ADAMTS16: variants seen among roughly 807,000 people sequenced by gnomAD.
ADAMTS16 encodes ADAM metallopeptidase with thrombospondin type 1 motif 16.
Under a neutral mutation model 145.8 loss-of-function variants are expected in ADAMTS16, and 94 were observed. The observed-to-expected ratio is 0.64, with a 90% confidence interval of 0.55 to 0.77. ADAMTS16 has a LOEUF of 0.77. Among genes scored for constraint, ADAMTS16 ranks in the 30% least tolerant of loss-of-function variants. ADAMTS16 has a pLI of 0.00. For missense variants in ADAMTS16, 1,585 were observed against 1,591.5 expected (o/e 1.00, Z 0.07); for synonymous variants, 659 against 604.3 (o/e 1.09, Z -1.33).
chr5:5,273,374 C>A (rs2913669), intron 18 of ADAMTS16, among the ~76,000 whole-genome samples: 2 of 152,014 alleles, frequency 1.3e-5, no homozygotes, highest in African/African-American at 4.8e-5. Flanking sequence ...ATACAAAAAA[C>A]TTAGCTGATG....
chr5:5,175,199 C>A (rs1735153396), intron 3 of ADAMTS16, among the ~76,000 whole-genome samples: 1 of 152,182 alleles, frequency 6.6e-6, no homozygotes, highest in Non-Finnish European at 1.5e-5. Flanking sequence ...TTCCAGGCCC[C>A]AGGGCTCTCT....
At chr5:5,249,744 G>A (rs1737563538) in intron 17 of ADAMTS16, among the ~76,000 whole-genome samples, 1 of 152,182 alleles carries the variant, frequency 6.6e-6, no homozygotes, top group South Asian at 2.1e-4. Flanking sequence ...CTCAGTGGAG[G>A]GTCAGGTGAC....
At chr5:5,165,303 G>A (rs796724771) in intron 3 of ADAMTS16, among the ~76,000 whole-genome samples, 47 of 152,096 alleles carry the variant, frequency 3.1e-4, no homozygotes, top group African/African-American at 1.1e-3. Flanking sequence ...GCTCAGCGGC[G>A]CCCCATCGTA....
Position 5,283,198 on chromosome 5 carries a change from C to T in ADAMTS16, c.2790-20070C>T, listed in dbSNP as rs1738986254. Among the ~76,000 whole-genome samples, 3 of 152,086 alleles carry T rather than the reference C, an allele frequency of 2.0e-5. No homozygotes were observed. In the South Asian group the frequency reaches 6.2e-4, roughly 32 times the overall value. On this transcript the variant is annotated intron_variant, in intron 18 of 22. Transcript: ENST00000274181. ...CAATGTATTTTTTCCTGTCCCTGAT[C>T]TCAGTTAGAATGTTTCTGCATTTTC... is the stretch of plus-strand genomic sequence containing the variant.
At chr5:5,172,437 G>T (rs1290908623) in intron 3 of ADAMTS16, among the ~76,000 whole-genome samples, 1 of 151,720 alleles carries the variant, frequency 6.6e-6, no homozygotes, top group South Asian at 2.1e-4. Flanking sequence ...TTTTGGTATG[G>T]TGTATTTTTA....
At chr5:5,286,885 A>ATG (rs1456081255) in intron 18 of ADAMTS16, among the ~76,000 whole-genome samples, 1,892 of 52,184 alleles carry the variant, frequency 0.036, 354 homozygotes, top group African/African-American at 0.054. Flanking sequence ...AAAAAAAAAG[A>ATG]GTTTTTATAA....
chr5:5,318,351 T>C lies in ADAMTS16; in HGVS notation c.3559+70T>C, dbSNP rs1734143219. The stretch of plus-strand genomic sequence containing the variant: ...AATGTCAGGTTTCTGGAGCAGTTCC[T>C]TGGGGGGCCTGGAGTTAGGGTCTTG... On this transcript the variant is annotated intron_variant, in intron 22 of 22. Coordinates refer to ENST00000274181, the MANE Select transcript of ADAMTS16 (RefSeq NM_139056.4). The C allele has an allele frequency of 5.3e-6, 7 of 1,328,438 alleles. No individual in the cohort carries two copies. The East Asian group carries it at 1.4e-4, about 26-fold the overall frequency. The allele number at this position is 1,328,438 out of a possible 1,614,324, so 82.3% of individuals were successfully genotyped here.
At chr5:5,309,827 C>CGTGTGTGTGTGTGTGTGT (rs35723690) in intron 21 of ADAMTS16, among the ~76,000 whole-genome samples, 82 of 146,980 alleles carry the variant, frequency 5.6e-4, no homozygotes, top group Middle Eastern at 6.9e-3. Flanking sequence ...GTCATGTCCT[C>CGTGTGTGTGTGTGTGTGT]GTGTGTGTGT....
intron 4 of ADAMTS16, among the ~76,000 whole-genome samples, chr5:5,184,939 A>G (rs1270862494): frequency 6.6e-6 from 1 of 152,108 alleles, no homozygotes; most frequent in Non-Finnish European, 1.5e-5. Context: ...CAAATCTGAA[A>G]GCTATTTCCG....
chr5:5,190,187 GAC>G, intron 7 of ADAMTS16, 57 bp downstream of exon 7: 1 of 1,488,576 alleles, frequency 6.7e-7, no homozygotes, highest in Admixed American at 2.4e-5. Flanking sequence ...CCCTGGCCGT[GAC>G]ACAGTGTTGA....
intron 3 of ADAMTS16, among the ~76,000 whole-genome samples, chr5:5,160,843 T>G (rs562450778): frequency 6.5e-4 from 99 of 152,168 alleles, no homozygotes; most frequent in Non-Finnish European, 7.6e-4. Context: ...AACCCAGCTT[T>G]TAGTCCCACC....
intron 21 of ADAMTS16, among the ~76,000 whole-genome samples, chr5:5,308,577 G>C (rs776724920): frequency 6.6e-6 from 1 of 152,176 alleles, no homozygotes; most frequent in East Asian, 1.9e-4. Flanking sequence ...GTGCTAAAAG[G>C]AAGTATGGAC....
Position 5,241,090 on chromosome 5 carries a change from C to A in ADAMTS16, c.2524-963C>A, listed in dbSNP as rs145155685. Among the ~76,000 whole-genome samples, 1,073 of 152,162 alleles carry A rather than the reference C, an allele frequency of 7.1e-3. 4 individuals are homozygous for A. Among genetic ancestry groups the A allele is most frequent in the Non-Finnish European group, 0.011 (774 of 68,018 alleles). On this transcript the variant is annotated intron_variant, in intron 16 of 22. Coordinates refer to ENST00000274181, the MANE Select transcript of ADAMTS16 (RefSeq NM_139056.4). ...GCTTATACCTGTCCCACAACATCAG[C>A]ACCACTGAGACTGGAGCTGTGTCAT...
At chr5:5,227,750 T>C (rs139863046) in intron 11 of ADAMTS16, among the ~76,000 whole-genome samples, 52 of 152,358 alleles carry the variant, frequency 3.4e-4, no homozygotes, top group Non-Finnish European at 1.5e-4. Context: ...GTGTTTCCTT[T>C]GCCATTACTT....
rs144027266 is a variant in ADAMTS16 at position 5,245,799 on chromosome 5, G to A, written c.2662+3608G>A. 3.0e-3 allele frequency among the ~76,000 whole-genome samples: 463 copies of A among 152,264 alleles called. 8 individuals carry two copies. The highest frequency in any genetic ancestry group is 0.021 in the Admixed American group (329 of 15,304). ...GGAAATAAGGTTTTCACACAGCCAG[G>A]TAATGCCTTTTATCTCCCTTTTGAC... is the stretch of plus-strand genomic sequence containing the variant. On this transcript the variant is annotated intron_variant, in intron 17 of 22. Coordinates refer to ENST00000274181, the MANE Select transcript of ADAMTS16 (RefSeq NM_139056.4).
At chr5:5,254,292 T>C (rs910314442) in intron 17 of ADAMTS16, among the ~76,000 whole-genome samples, 2 of 152,194 alleles carry the variant, frequency 1.3e-5, no homozygotes, top group Non-Finnish European at 2.9e-5. Flanking sequence ...TACATAATCA[T>C]ACCACATAAG....
chr5:5,187,571 C>A (rs115925507), intron 5 of ADAMTS16, among the ~76,000 whole-genome samples, 154 bp from the exon 6 acceptor site: 1 of 152,166 alleles, frequency 6.6e-6, no homozygotes, highest in Non-Finnish European at 1.5e-5. Context: ...GGCTTTTTAC[C>A]GTGATATGAT....
chr5:5,239,816 G>A lies in ADAMTS16; in HGVS notation c.2414G>A (p.Trp805Ter). The A allele has an allele frequency of 6.2e-7, 1 of 1,614,126 alleles. No individual in the cohort carries two copies. Residue 805 changes from tryptophan to a stop codon, truncating the protein, a stop_gained, in exon 16 of 23, where the codon TGG becomes TAG. Coordinates refer to ENST00000274181, the MANE Select transcript of ADAMTS16 (RefSeq NM_139056.4). LOFTEE classifies it high-confidence loss of function. The part of the protein sequence containing the change: ...YYLNGHWTVD[W>*]PGRYKFSGTT... ...CTGAATGGGCACTGGACCGTGGACT[G>A]GCCCGGCCGGTACAAATTTTCGGGC...
chr5:5,251,480 T>G (rs1342690465), intron 17 of ADAMTS16, among the ~76,000 whole-genome samples: 1 of 152,252 alleles, frequency 6.6e-6, no homozygotes, highest in East Asian at 1.9e-4. Context: ...AATATTGGCT[T>G]CATTTTTATG....
Sources: allele counts gnomAD v4.1 joint callset (sites outside exome capture counted in the v4.1 genomes callset), GRCh38; gene constraint gnomAD v4.1.1; transcripts MANE v1.5; gene names NCBI Gene and HGNC (gene_info 2026-07-23, HGNC 2026-07-21).